The following CTPS2 variants were observed in gnomAD, a reference collection of about 807,000 sequenced individuals.
CTPS2 encodes the protein CTP synthase II.
CTPS2 carries 19 observed loss-of-function variants against 46.8 expected under a neutral mutation model. That is an observed-to-expected ratio of 0.41 (90% CI 0.28 to 0.60). CTPS2 has a LOEUF of 0.60. Among genes scored for constraint, CTPS2 ranks in the 20% least tolerant of loss-of-function variants. CTPS2 has a pLI of 0.35. For missense variants in CTPS2, 286 were observed against 447.6 expected, an observed-to-expected ratio of 0.64 and a Z score of 3.26; for synonymous variants, 151 against 165.2, an observed-to-expected ratio of 0.91 and a Z score of 0.66.
rs746634342 is a variant in CTPS2 at position 16,647,255 on chromosome X, C to CTTTTT, written c.1297-8017_1297-8013dup. On this transcript the variant is annotated intron_variant, in intron 13 of 18. Transcript: ENST00000359276. Reference sequence around the variant, plus strand: ...GACAATAGGCAGCATTGGGCCCATTCTTTTTTTTTTTTTTTTTTTTTTTTT... The same window carrying CTTTTT: ...GACAATAGGCAGCATTGGGCCCATTCTTTTTTTTTTTTTTTTTTTTTTTTTTTTTT... Among the ~76,000 whole-genome samples, 41 of 39,757 alleles carry CTTTTT rather than the reference C, an allele frequency of 1.0e-3. 2 individuals are homozygous for CTTTTT. Among genetic ancestry groups the CTTTTT allele is most frequent in the African/African-American group, 3.1e-3 (31 of 9,885 alleles). 34.5% of individuals were successfully genotyped at this position (39,757 alleles called of 115,157 possible). A position where few individuals can be genotyped will look rare whatever the true frequency, so the allele number is the denominator to read the frequency against.
chrX:16,590,923 A>G lies in CTPS2; in HGVS notation c.1692-61T>C, dbSNP rs1001420791. 23 of 838,040 alleles carry G rather than the reference A, an allele frequency of 2.7e-5. No individual in the cohort carries two copies. In the East Asian group the frequency reaches 6.3e-4, roughly 23 times the overall value. 69.1% of individuals were successfully genotyped at this position (838,040 alleles called of 1,213,427 possible). A position where few individuals can be genotyped will look rare whatever the true frequency, so the allele number is the denominator to read the frequency against. On this transcript the variant is annotated intron_variant, in intron 17 of 18. Coordinates refer to ENST00000359276, the MANE Select transcript of CTPS2 (RefSeq NM_175859.3). ...AAAAAAAAACCTGGACAATTATTCA[A>G]TTTGCAATTTCAAACACATTCCATA... is the stretch of plus-strand genomic sequence containing the variant.
At chrX:16,604,920 TC>T (rs916027223) in intron 17 of CTPS2, among the ~76,000 whole-genome samples, 3 of 112,358 alleles carry the variant, frequency 2.7e-5, no homozygotes, top group African/African-American at 9.7e-5. Context: ...GACCATTATT[TC>T]CCATTTGATT....
intron 16 of CTPS2, among the ~76,000 whole-genome samples, chrX:16,612,721 C>T (rs985833444): frequency 1.8e-5 from 2 of 111,693 alleles, no homozygotes; most frequent in South Asian, 7.6e-4. Flanking sequence ...TTAGGTAGAA[C>T]GTGAAAACAA....
chrX:16,605,565 T>C (rs893430659), intron 17 of CTPS2, among the ~76,000 whole-genome samples: 2 of 111,122 alleles, frequency 1.8e-5, no homozygotes, highest in Non-Finnish European at 3.8e-5. Context: ...CTACTAAAAA[T>C]ACAAAAATTA....
intron 18 of CTPS2, among the ~76,000 whole-genome samples, chrX:16,590,139 T>A (rs1046233851): frequency 1.8e-5 from 2 of 112,471 alleles, no homozygotes; most frequent in Non-Finnish European, 3.8e-5. Flanking sequence ...AATGGAAAAA[T>A]AAGCTGCCCT....
chrX:16,683,040 A>G (rs976043758), intron 9 of CTPS2, 54 bp downstream of exon 9: 39 of 1,191,891 alleles, frequency 3.3e-5, no homozygotes, highest in Non-Finnish European at 4.3e-5. Flanking sequence ...CCTCTGGAAC[A>G]TGTGCTATTG....
chrX:16,653,834 C>A (rs969095091), intron 13 of CTPS2, among the ~76,000 whole-genome samples: 25 of 111,972 alleles, frequency 2.2e-4, no homozygotes, highest in Admixed American at 9.5e-5. Context: ...GACCCCAACC[C>A]CTCTGTTAAC....
chrX:16,669,725 T>C (rs1404588846), intron 11 of CTPS2, among the ~76,000 whole-genome samples: 21 of 109,351 alleles, frequency 1.9e-4, no homozygotes, highest in African/African-American at 7.0e-4. Context: ...GGGAAATAAA[T>C]GGTCTGCTGG....
chrX:16,678,879 A>T (rs938128264), intron 9 of CTPS2, among the ~76,000 whole-genome samples: 28 of 109,198 alleles, frequency 2.6e-4, no homozygotes, highest in South Asian at 2.4e-3. Flanking sequence ...AAAAAAATTT[A>T]AAAAAAAAGC....
rs764514112 is a variant in CTPS2 at position 16,693,417 on chromosome X, G to A, written c.509C>T (p.Ala170Val). 9.9e-6 allele frequency: 12 copies of A among 1,208,046 alleles called. No homozygotes were observed. Among genetic ancestry groups the A allele is most frequent in the East Asian group, 3.0e-5 (1 of 33,768 alleles). ...GATATTACAGAAATTCTCTCTTTTC[G>A]CCTTAAACTGGAATTGTCTAAACGC... ...VEAFRQFQFK[A>V]KRENFCNIHV... The change falls in exon 5 of 19, where the codon GCG becomes GTG. Residue 170 changes from alanine to valine, a missense_variant. Transcript: ENST00000359276.
chrX:16,660,412 T>C (rs1184530156), intron 13 of CTPS2, among the ~76,000 whole-genome samples: 1 of 80,091 alleles, frequency 1.2e-5, no homozygotes, highest in Non-Finnish European at 2.5e-5. Context: ...ATTATTTATT[T>C]ATTATTTTTT....
chrX:16,641,861 G>A (rs1394665254), intron 13 of CTPS2, among the ~76,000 whole-genome samples: 1 of 111,989 alleles, frequency 8.9e-6, no homozygotes, highest in African/African-American at 3.2e-5. Flanking sequence ...GTGGGAGGTG[G>A]GGAGAGAAGG....
At chrX:16,706,982 G>A (rs1223053704) in intron 1 of CTPS2, among the ~76,000 whole-genome samples, 1 of 108,916 alleles carries the variant, frequency 9.2e-6, no homozygotes, top group African/African-American at 3.3e-5. Flanking sequence ...GGCGGAGGTT[G>A]CAGTGAGCTG....
chrX:16,643,250 C>T (rs1005371872), intron 13 of CTPS2, among the ~76,000 whole-genome samples: 1 of 112,261 alleles, frequency 8.9e-6, no homozygotes, highest in Non-Finnish European at 1.9e-5. Flanking sequence ...CCTGGTAAGC[C>T]CAGCTTTCCT....
At chrX:16,641,105 C>T (rs1174080958) in intron 13 of CTPS2, among the ~76,000 whole-genome samples, 1 of 111,861 alleles carries the variant, frequency 8.9e-6, no homozygotes, top group East Asian at 2.8e-4. Flanking sequence ...GCATTCACTT[C>T]TGGCCGATGA....
chrX:16,706,696 AC>A (rs1925039142), intron 1 of CTPS2, among the ~76,000 whole-genome samples: 1 of 110,832 alleles, frequency 9.0e-6, no homozygotes, highest in Non-Finnish European at 1.9e-5. Context: ...TCCCATCTCT[AC>A]TAAAAATACA....
intron 14 of CTPS2, among the ~76,000 whole-genome samples, chrX:16,625,283 AC>A (rs772318436): frequency 1.1e-4 from 12 of 112,688 alleles, no homozygotes; most frequent in African/African-American, 3.2e-4. Context: ...GAAATAAGCC[AC>A]TCATAAAAGG....
rs1665420425 is a variant in CTPS2 at position 16,599,568 on chromosome X, C to A, written c.1692-8706G>T. On this transcript the variant is annotated intron_variant, in intron 17 of 18. Coordinates refer to ENST00000359276, the MANE Select transcript of CTPS2 (RefSeq NM_175859.3). ...CTCAGCTCACCACAATCTTCACCTCCTGGGTTCAAGCGATTCTCCTGCCTC... is the reference window on the plus strand; with the variant it reads ...CTCAGCTCACCACAATCTTCACCTCATGGGTTCAAGCGATTCTCCTGCCTC... 2.8e-5 allele frequency among the ~76,000 whole-genome samples: 3 copies of A among 106,867 alleles called. No homozygotes were observed. In the Admixed American group the frequency reaches 3.0e-4, roughly 11 times the overall value. The allele number at this position is 106,867 out of a possible 115,157, so 92.8% of individuals were successfully genotyped here.
chrX:16,666,482 G>A lies in CTPS2; in HGVS notation c.1296+1032C>T, dbSNP rs140635901. ...AAAAACTAGTTTAGATTGTCCAAAC[G>A]TAAAACTCAAAGCATGTAGCCTGGG... On this transcript the variant is annotated intron_variant, in intron 13 of 18. Coordinates refer to ENST00000359276, the MANE Select transcript of CTPS2 (RefSeq NM_175859.3). Among the ~76,000 whole-genome samples the A allele has an allele frequency of 6.4e-3, 708 of 111,184 alleles. 6 individuals are homozygous for A. Among genetic ancestry groups the A allele is most frequent in the African/African-American group, 0.022 (674 of 30,588 alleles).
Sources: allele counts gnomAD v4.1 joint callset (sites outside exome capture counted in the v4.1 genomes callset), GRCh38; gene constraint gnomAD v4.1.1; transcripts MANE v1.5; gene names NCBI Gene and HGNC (gene_info 2026-07-23, HGNC 2026-07-21).